CDH4: variants seen among roughly 807,000 people sequenced by gnomAD.
CDH4 encodes the protein cadherin 4, also known as cadherin-4.
CDH4 carries 33 observed loss-of-function variants against 86.0 expected under a neutral mutation model. The ratio of observed to expected loss-of-function variants is 0.38; its 90% CI spans 0.29 to 0.51. CDH4 has a LOEUF of 0.51. Ranked by LOEUF, CDH4 falls within the 20% of genes least tolerant of loss-of-function variation. CDH4 has a pLI of 0.86. For missense variants in CDH4, 1,114 were observed against 1,307.4 expected (o/e 0.85, Z 2.28); for synonymous variants, 555 against 549.4 (o/e 1.01, Z -0.14).
chr20:61,535,305 T>G (rs573629991), intron 2 of CDH4, among the ~76,000 whole-genome samples: 31 of 152,244 alleles, frequency 2.0e-4, no homozygotes, highest in African/African-American at 7.0e-4. Flanking sequence ...CTGAGTCAGG[T>G]GCAGAGGTGC....
intron 2 of CDH4, among the ~76,000 whole-genome samples, chr20:61,652,076 C>G (rs2087127326): frequency 6.6e-6 from 1 of 152,190 alleles, no homozygotes; most frequent in Admixed American, 6.5e-5. Flanking sequence ...CCTGTGGTCC[C>G]AGGGAGGAGG....
intron 2 of CDH4, among the ~76,000 whole-genome samples, chr20:61,678,946 A>G (rs2087476130): frequency 1.3e-5 from 2 of 152,210 alleles, no homozygotes; most frequent in Non-Finnish European, 2.9e-5. Context: ...GGGGGACACT[A>G]TTCATCCCTG....
intron 2 of CDH4, among the ~76,000 whole-genome samples, chr20:61,443,746 G>A (rs775325102): frequency 2.0e-5 from 3 of 152,094 alleles, no homozygotes; most frequent in Admixed American, 6.5e-5. Context: ...CTGCAGGACC[G>A]GGTCTTGCTT....
intron 2 of CDH4, among the ~76,000 whole-genome samples, chr20:61,328,357 A>C (rs60291766): frequency 0.15 from 23,377 of 151,994 alleles, 2,144 homozygotes; most frequent in African/African-American, 0.26. Context: ...TTGTATTTTT[A>C]GTAGAGATGG....
At chr20:61,793,232 T>C (rs1979309835) in intron 4 of CDH4, among the ~76,000 whole-genome samples, 1 of 152,056 alleles carries the variant, frequency 6.6e-6, no homozygotes, top group African/African-American at 2.4e-5. Flanking sequence ...CCCAAAGTGC[T>C]GGGATTACAA....
intron 4 of CDH4, among the ~76,000 whole-genome samples, chr20:61,802,032 C>T (rs910326657): frequency 1.3e-5 from 2 of 152,270 alleles, no homozygotes; most frequent in Non-Finnish European, 2.9e-5. Flanking sequence ...CTGTAAGTGG[C>T]GCAAGAGCGG....
chr20:61,801,748 C>T (rs1979841857), intron 4 of CDH4, among the ~76,000 whole-genome samples: 1 of 152,220 alleles, frequency 6.6e-6, no homozygotes, highest in Non-Finnish European at 1.5e-5. Context: ...CAGCCTCCTC[C>T]AGCCTCTCTC....
At chr20:61,463,334 G>A (rs552736007) in intron 2 of CDH4, among the ~76,000 whole-genome samples, 1 of 152,336 alleles carries the variant, frequency 6.6e-6, no homozygotes, top group South Asian at 2.1e-4. Context: ...AGCAACAAAG[G>A]AAGAAAATCC....
At chr20:61,787,451 C>T (rs186190149) in intron 4 of CDH4, among the ~76,000 whole-genome samples, 516 of 152,236 alleles carry the variant, frequency 3.4e-3, no homozygotes, top group Non-Finnish European at 5.2e-3. Context: ...CTATCACGAG[C>T]GCAACATGGA....
chr20:61,383,838 T>C (rs2084935734), intron 2 of CDH4, among the ~76,000 whole-genome samples: 1 of 90,986 alleles, frequency 1.1e-5, no homozygotes, highest in Middle Eastern at 4.6e-3. Flanking sequence ...TGAAGATATA[T>C]ATGCGTATAT....
intron 3 of CDH4, among the ~76,000 whole-genome samples, chr20:61,758,889 C>T (rs578103436): frequency 2.0e-5 from 3 of 152,258 alleles, no homozygotes; most frequent in South Asian, 2.1e-4. Context: ...CTGCTTGGGC[C>T]GTTAGCTCTC....
At chr20:61,571,413 C>G (rs892443744) in intron 2 of CDH4, among the ~76,000 whole-genome samples, 2 of 152,194 alleles carry the variant, frequency 1.3e-5, no homozygotes, top group African/African-American at 4.8e-5. Context: ...CAGAGGGTAC[C>G]TGGGCTGTAG....
chr20:61,547,253 C>T (rs965163452), intron 2 of CDH4, among the ~76,000 whole-genome samples: 7 of 142,398 alleles, frequency 4.9e-5, no homozygotes, highest in Admixed American at 7.2e-5. Context: ...CACTCTGTCT[C>T]CCAGGCTGGA....
rs142068973 is a variant in CDH4 at position 61,511,315 on chromosome 20, G to A, written c.170-232248G>A. 2.1e-3 allele frequency among the ~76,000 whole-genome samples: 314 copies of A among 152,304 alleles called. 1 individual carries two copies. The highest frequency in any genetic ancestry group is 0.01 in the Middle Eastern group (3 of 294). ...TTTAGGGGCCAGTGGCCTGGAAGTC[G>A]TCTTACGTTTTCTGCATCCCCTCCT... On this transcript the variant is annotated intron_variant, in intron 2 of 15. Transcript: ENST00000614565.
chr20:61,924,297 C>A, intron 10 of CDH4, 37 bp from the exon 11 acceptor site: 1 of 1,588,822 alleles, frequency 6.3e-7, no homozygotes, highest in South Asian at 1.1e-5. Context: ...CCGCCCACCC[C>A]CAGCCTTACC....
intron 2 of CDH4, among the ~76,000 whole-genome samples, chr20:61,700,988 C>T (rs2087769455): frequency 6.6e-6 from 1 of 152,228 alleles, no homozygotes; most frequent in African/African-American, 2.4e-5. Context: ...GCGGTGTAAA[C>T]AGCAGAGGTG....
chr20:61,520,292 T>C (rs201817187), intron 2 of CDH4, among the ~76,000 whole-genome samples: 1 of 152,274 alleles, frequency 6.6e-6, no homozygotes, highest in East Asian at 1.9e-4. Context: ...GACTGCCCAG[T>C]CCTGCTGGTG....
intron 4 of CDH4, among the ~76,000 whole-genome samples, chr20:61,797,496 T>G (rs1291183548): frequency 6.6e-6 from 1 of 152,192 alleles, no homozygotes; most frequent in Non-Finnish European, 1.5e-5. Context: ...CTGGTGGGCT[T>G]GATAAAAACA....
intron 2 of CDH4, among the ~76,000 whole-genome samples, chr20:61,675,296 C>G (rs1324449549): frequency 7.1e-6 from 1 of 140,484 alleles, no homozygotes; most frequent in African/African-American, 2.7e-5. Flanking sequence ...CCCATGGAAA[C>G]AACCATCGTA....
Sources: allele counts gnomAD v4.1 joint callset (sites outside exome capture counted in the v4.1 genomes callset), GRCh38; gene constraint gnomAD v4.1.1; transcripts MANE v1.5; gene names NCBI Gene and HGNC (gene_info 2026-07-23, HGNC 2026-07-21).